The following TLCD4 variants were observed in gnomAD, a reference collection of about 807,000 sequenced individuals.
TLCD4 encodes TLC domain-containing protein 4.
In TLCD4, 7 loss-of-function variants were observed where a neutral mutation model predicts 24.2. That is an observed-to-expected ratio of 0.29 (90% CI 0.16 to 0.54). The LOEUF (loss-of-function observed/expected upper bound fraction) is 0.54. Among genes scored for constraint, TLCD4 ranks in the 20% least tolerant of loss-of-function variants. The pLI, the probability that TLCD4 is intolerant of heterozygous loss-of-function variation, is 0.95. For synonymous variants in TLCD4, 103 were observed against 106.4 expected (o/e 0.97, Z 0.20); for missense variants, 259 against 313.9 (o/e 0.82, Z 1.32).
At chr1:95,143,557 T>A (rs1677264035) in intron 1 of TLCD4, among the ~76,000 whole-genome samples, 1 of 152,176 alleles carries the variant, frequency 6.6e-6, no homozygotes, top group African/African-American at 2.4e-5. Context: ...TAAATTTAAT[T>A]GAAATATTAT....
chr1:95,105,893 TTAA>T, the TLCD4 span, among the ~76,000 whole-genome samples: 1 of 102,864 alleles, frequency 9.7e-6, no homozygotes, highest in African/African-American at 3.2e-5. Context: ...AGACTCCGTC[TTAA>T]AAAAAAAAAA....
intron 5 of TLCD4, among the ~76,000 whole-genome samples, chr1:95,158,856 C>G (rs1677705412): frequency 6.6e-6 from 1 of 152,128 alleles, no homozygotes; most frequent in South Asian, 2.1e-4. Flanking sequence ...TTTTATGGTG[C>G]ATAGTATTCC....
At chr1:95,111,235 G>A in the TLCD4 span, among the ~76,000 whole-genome samples, 7 of 151,656 alleles carry the variant, frequency 4.6e-5, no homozygotes, top group East Asian at 2.0e-4. Flanking sequence ...TCAAGATTAC[G>A]GTGAGCTATG....
intron 1 of TLCD4, among the ~76,000 whole-genome samples, chr1:95,126,308 G>T (rs747245414): frequency 7.3e-5 from 11 of 150,080 alleles, no homozygotes; most frequent in South Asian, 4.2e-4. Flanking sequence ...CATGCCTGTA[G>T]TTCCAGCTGC....
Position 95,137,556 on chromosome 1 carries a change from C to T in TLCD4, c.-11-6335C>T, listed in dbSNP as rs56857575. 6.0e-3 allele frequency among the ~76,000 whole-genome samples: 908 copies of T among 152,134 alleles called. 7 individuals carry two copies. Among genetic ancestry groups the T allele is most frequent in the African/African-American group, 0.021 (853 of 41,504 alleles). The stretch of plus-strand genomic sequence containing the variant: ...CAAATGGGGGAAATGAGTGAGTGAT[C>T]GTGTTTTGGTGGGGAGGGGCTGGTA... On this transcript the variant is annotated intron_variant, in intron 1 of 6. Transcript: ENST00000370203.
At chr1:95,141,833 A>ACACACACACACACACACAC (rs1557682576) in intron 1 of TLCD4, among the ~76,000 whole-genome samples, 2 of 149,776 alleles carry the variant, frequency 1.3e-5, no homozygotes, top group Non-Finnish European at 3.0e-5. Context: ...ACACACACAC[A>ACACACACACACACACACAC]AAGAATGAGG....
upstream of TLCD4, among the ~76,000 whole-genome samples, chr1:95,115,184 A>C (rs566013347): frequency 6.6e-6 from 1 of 151,308 alleles, no homozygotes; most frequent in South Asian, 2.1e-4. Context: ...CTCGGCTCAC[A>C]CAACCTCTGC....
the TLCD4 span, among the ~76,000 whole-genome samples, chr1:95,106,704 CAG>C: frequency 6.6e-6 from 1 of 152,116 alleles, no homozygotes; most frequent in Non-Finnish European, 1.5e-5. Flanking sequence ...AACAAACAAA[CAG>C]ACAAAACAAC....
chr1:95,102,414 C>G, the TLCD4 span, among the ~76,000 whole-genome samples: 2 of 151,970 alleles, frequency 1.3e-5, no homozygotes, highest in Non-Finnish European at 1.5e-5. Context: ...ATAGAGAGAG[C>G]TGAGCAAGAG....
chr1:95,191,955 TTAATTA>T lies in TLCD4; in HGVS notation c.*93_*98del. On this transcript the variant is annotated 3_prime_UTR_variant, in exon 7 of 7. Coordinates refer to ENST00000370203, the MANE Select transcript of TLCD4 (RefSeq NM_152487.3). ...CTTGGCATGTTCTTGTGTACCTTTC[TTAATTA>T]TAATTGTTATTCAGGATTTCAGTGT... 2 of 1,487,800 alleles carry T rather than the reference TTAATTA, an allele frequency of 1.3e-6. No individual in the cohort carries two copies. Among genetic ancestry groups the T allele is most frequent in the Non-Finnish European group, 1.8e-6 (2 of 1,126,522 alleles). The allele number at this position is 1,487,800 out of a possible 1,614,324, so 92.2% of individuals were successfully genotyped here. A position where few individuals can be genotyped will look rare whatever the true frequency, so the allele number is the denominator to read the frequency against.
the TLCD4 span, among the ~76,000 whole-genome samples, chr1:95,103,681 C>T: frequency 6.6e-6 from 1 of 152,180 alleles, no homozygotes; most frequent in South Asian, 2.1e-4. Flanking sequence ...TTCATCCCAT[C>T]CCCTACAAAT....
chr1:95,117,880 C>G (rs961760706), intron 1 of TLCD4: 1 of 151,408 alleles, frequency 6.6e-6, no homozygotes, highest in Non-Finnish European at 1.5e-5. Context: ...CGGCGTCGCT[C>G]CGGGAGCAAA....
At chr1:95,155,791 T>A (rs1471551850) in intron 5 of TLCD4, among the ~76,000 whole-genome samples, 3 of 151,760 alleles carry the variant, frequency 2.0e-5, no homozygotes, top group Non-Finnish European at 4.4e-5. Context: ...TTTCTTTTTT[T>A]CCTACTGGCA....
intron 1 of TLCD4, among the ~76,000 whole-genome samples, chr1:95,121,406 A>G (rs995134520): frequency 6.6e-6 from 1 of 152,212 alleles, no homozygotes; most frequent in Non-Finnish European, 1.5e-5. Flanking sequence ...ATGTGTTTTG[A>G]AACCCCATTT....
intron 1 of TLCD4, among the ~76,000 whole-genome samples, chr1:95,130,086 A>G (rs1316770413): frequency 6.6e-6 from 1 of 152,216 alleles, no homozygotes; most frequent in Non-Finnish European, 1.5e-5. Flanking sequence ...ATTCTTTTAG[A>G]TGCTTAACAA....
the TLCD4 span, among the ~76,000 whole-genome samples, chr1:95,098,880 C>T: frequency 6.6e-6 from 1 of 151,670 alleles, no homozygotes; most frequent in Non-Finnish European, 1.5e-5. Flanking sequence ...GCCTGACCAA[C>T]ATGGAGAAAC....
At chr1:95,111,138 A>AAAAT in the TLCD4 span, among the ~76,000 whole-genome samples, 1 of 42,794 alleles carries the variant, frequency 2.3e-5, no homozygotes, top group Non-Finnish European at 5.6e-5. Flanking sequence ...TAAAATAAAA[A>AAAAT]AAAAAAAAGA....
intron 5 of TLCD4, among the ~76,000 whole-genome samples, chr1:95,160,332 C>T (rs1677752029): frequency 6.6e-6 from 1 of 152,136 alleles, no homozygotes; most frequent in Admixed American, 6.5e-5. Context: ...TATAGGAATG[C>T]TTGCGATTTT....
chr1:95,140,367 C>G (rs1460882483), intron 1 of TLCD4, among the ~76,000 whole-genome samples: 3 of 152,238 alleles, frequency 2.0e-5, no homozygotes, highest in Admixed American at 2.0e-4. Context: ...ATTTTCAGCT[C>G]CATTATAATC....
Sources: allele counts gnomAD v4.1 joint callset (sites outside exome capture counted in the v4.1 genomes callset), GRCh38; gene constraint gnomAD v4.1.1; transcripts MANE v1.5; gene names NCBI Gene and HGNC (gene_info 2026-07-23, HGNC 2026-07-21).